Variants in SNX3 observed in about 807,000 individuals in gnomAD.
The protein encoded by SNX3 is sorting nexin 3.
In SNX3, 5 loss-of-function variants were observed where a neutral mutation model predicts 17.7. The observed-to-expected ratio is 0.28, with a 90% confidence interval of 0.15 to 0.59. The LOEUF (loss-of-function observed/expected upper bound fraction) is 0.59. Ranked by LOEUF, SNX3 falls within the 20% of genes least tolerant of loss-of-function variation. The pLI is 0.88. For synonymous variants in SNX3, 91 were observed against 76.5 expected (o/e 1.19, Z -0.99); for missense variants, 132 against 206.8 (o/e 0.64, Z 2.22).
intron 2 of SNX3, among the ~76,000 whole-genome samples, chr6:108,220,838 G>A (rs775266004): frequency 2.6e-5 from 4 of 151,856 alleles, no homozygotes; most frequent in Admixed American, 6.6e-5. Flanking sequence ...AAAATTAGCC[G>A]AGTGTGGTGG....
Position 108,237,923 on chromosome 6 carries a change from C to A in SNX3, c.163-14878G>T, listed in dbSNP as rs532559181. 2.0e-5 allele frequency among the ~76,000 whole-genome samples: 3 copies of A among 151,466 alleles called. 1 individual carries two copies. Among genetic ancestry groups the A allele is most frequent in the Non-Finnish European group, 4.4e-5 (3 of 67,856 alleles). On this transcript the variant is annotated intron_variant, in intron 1 of 3. Transcript: ENST00000230085. The stretch of plus-strand genomic sequence containing the variant: ...GACCAGCCTTGGCAACATAGCAAAA[C>A]CCTATCTTCACTAAAAATACAAAAT...
At chr6:108,228,508 T>C (rs1157227375) in intron 1 of SNX3, among the ~76,000 whole-genome samples, 1 of 151,696 alleles carries the variant, frequency 6.6e-6, no homozygotes, top group Non-Finnish European at 1.5e-5. Context: ...ATTGCGCCAC[T>C]GCACTCCAGC....
chr6:108,256,512 T>C (rs891289521), intron 1 of SNX3, among the ~76,000 whole-genome samples: 6 of 152,224 alleles, frequency 3.9e-5, no homozygotes, highest in Non-Finnish European at 5.9e-5. Flanking sequence ...CCTTATCCCA[T>C]TTAGTCCTAA....
At position 108,211,639 on chromosome 6, in the gene SNX3, T is replaced by C. The variant is rs1484457807; in HGVS notation, c.*510A>G. Reference sequence around the variant, plus strand: ...AAAGATTTCCCTCATTAATCTTCCATGTGAAGGGTATTACAAGCCTGGAGG... The same window carrying C: ...AAAGATTTCCCTCATTAATCTTCCACGTGAAGGGTATTACAAGCCTGGAGG... On this transcript the variant is annotated 3_prime_UTR_variant, in exon 4 of 4. Coordinates refer to ENST00000230085, the MANE Select transcript of SNX3 (RefSeq NM_003795.6). 1 of 152,640 alleles carries C rather than the reference T, an allele frequency of 6.6e-6. No individual in the cohort carries two copies. The highest frequency in any genetic ancestry group is 1.5e-5 in the Non-Finnish European group (1 of 68,042). The allele number at this position is 152,640 out of a possible 1,614,324, so 9.5% of individuals were successfully genotyped here.
chr6:108,214,288 G>A (rs895396671), intron 3 of SNX3, among the ~76,000 whole-genome samples: 1 of 152,128 alleles, frequency 6.6e-6, no homozygotes, highest in African/African-American at 2.4e-5. Flanking sequence ...CAAAACGTAG[G>A]TCAACACAAA....
chr6:108,234,696 T>C (rs897951977), intron 1 of SNX3, among the ~76,000 whole-genome samples: 7 of 152,204 alleles, frequency 4.6e-5, no homozygotes, highest in African/African-American at 1.7e-4. Context: ...GATTTTTATA[T>C]ATACAAATCT....
chr6:108,238,163 C>CA (rs1225631706), intron 1 of SNX3, among the ~76,000 whole-genome samples: 2 of 149,970 alleles, frequency 1.3e-5, no homozygotes, highest in Non-Finnish European at 1.5e-5. Flanking sequence ...CCCTCTCCTC[C>CA]AAAAAGAATC....
In SNX3 at chr6:108,217,990, T is replaced by C. The variant is rs1215301689; in HGVS notation, c.259-3368A>G. Among the ~76,000 whole-genome samples the C allele has an allele frequency of 3.3e-5, 5 of 152,202 alleles. No homozygotes were observed. The East Asian group carries it at 5.8e-4, about 18-fold the overall frequency. On this transcript the variant is annotated intron_variant, in intron 2 of 3. Coordinates refer to ENST00000230085, the MANE Select transcript of SNX3 (RefSeq NM_003795.6). ...CAAAATAACTTGATTACATTGTTCT[T>C]TGCAATACTGTAATACGAGTAAAAC...
chr6:108,216,569 C>T (rs780786936), intron 2 of SNX3, among the ~76,000 whole-genome samples: 4 of 152,040 alleles, frequency 2.6e-5, no homozygotes, highest in Non-Finnish European at 2.9e-5. Context: ...TTACTTTAAA[C>T]GCAAACAGAG....
intron 3 of SNX3, 32 bp downstream of exon 3, chr6:108,214,466 G>C: frequency 6.2e-7 from 1 of 1,605,808 alleles, no homozygotes; most frequent in Non-Finnish European, 8.5e-7. Flanking sequence ...ACTTAAAGTA[G>C]TCCTACACTT....
intron 1 of SNX3, among the ~76,000 whole-genome samples, chr6:108,248,528 GT>G: frequency 6.6e-6 from 1 of 152,188 alleles, no homozygotes; most frequent in East Asian, 1.9e-4. Context: ...AAGAAATTTA[GT>G]TAGAAAAAAA....
chr6:108,235,643 C>T (rs1031705526), intron 1 of SNX3, among the ~76,000 whole-genome samples: 14 of 152,148 alleles, frequency 9.2e-5, no homozygotes, highest in African/African-American at 2.9e-4. Context: ...CACCTGTAAT[C>T]CCAGCATGTT....
chr6:108,218,839 C>T (rs147153409), intron 2 of SNX3, among the ~76,000 whole-genome samples: 1 of 152,258 alleles, frequency 6.6e-6, no homozygotes, highest in African/African-American at 2.4e-5. Context: ...CAGGTGGTTG[C>T]CATAGGCTGA....
At chr6:108,254,274 G>A (rs1233283915) in intron 1 of SNX3, among the ~76,000 whole-genome samples, 1 of 151,556 alleles carries the variant, frequency 6.6e-6, no homozygotes, top group Non-Finnish European at 1.5e-5. Flanking sequence ...AGACAAGCCT[G>A]GGCAACATGG....
rs74828816 is a variant in SNX3, at chr6:108,234,079, T to C, written c.163-11034A>G. 8.6e-5 allele frequency among the ~76,000 whole-genome samples: 13 copies of C among 151,874 alleles called. No homozygotes were observed. The East Asian group carries it at 2.5e-3, about 29-fold the overall frequency. ...GGTTATATTTACATTATATTTACAG[T>C]GTAAAGAGGGGGTGGGGAGGGGAGA... On this transcript the variant is annotated intron_variant, in intron 1 of 3. Coordinates refer to ENST00000230085, the MANE Select transcript of SNX3 (RefSeq NM_003795.6).
chr6:108,213,927 GCTTT>G (rs1403255684), intron 3 of SNX3, among the ~76,000 whole-genome samples: 3 of 152,018 alleles, frequency 2.0e-5, no homozygotes, highest in Admixed American at 6.6e-5. Context: ...TAACACTCTG[GCTTT>G]CTATTATTTT....
At position 108,260,999 on chromosome 6, in the gene SNX3, C is replaced by A. The variant is rs563123307; in HGVS notation, c.-78G>T. ...AGCCGCCGCCGCCGCCGCTGCTGCC[C>A]GCCGTGGGGACACGGGGCTCGCGCG... On this transcript the variant is annotated 5_prime_UTR_variant, in exon 1 of 4. Coordinates refer to ENST00000230085, the MANE Select transcript of SNX3 (RefSeq NM_003795.6). 8.2e-6 allele frequency: 11 copies of A among 1,339,278 alleles called. No individual in the cohort carries two copies. The highest frequency in any genetic ancestry group is 1.6e-5 in the African/African-American group (1 of 63,966). The allele number at this position is 1,339,278 out of a possible 1,614,324, so 83.0% of individuals were successfully genotyped here.
At chr6:108,214,850 A>G (rs1429106829) in intron 2 of SNX3, among the ~76,000 whole-genome samples, 2 of 152,248 alleles carry the variant, frequency 1.3e-5, no homozygotes, top group Non-Finnish European at 2.9e-5. Context: ...CCCATAGCTT[A>G]TATCATTTTT....
At chr6:108,240,174 C>G (rs1775472782) in intron 1 of SNX3, among the ~76,000 whole-genome samples, 1 of 152,146 alleles carries the variant, frequency 6.6e-6, no homozygotes, top group Non-Finnish European at 1.5e-5. Flanking sequence ...TCAAGAAAAA[C>G]TACTCAACTC....
Sources: gnomAD v4.1 joint callset for allele counts (sites outside exome capture counted in the v4.1 genomes callset) on GRCh38, gnomAD v4.1.1 for gene constraint, MANE v1.5 for transcripts, NCBI Gene and HGNC (gene_info 2026-07-23, HGNC 2026-07-21) for gene names.